The following PAEP variants were observed in gnomAD, a reference collection of about 807,000 sequenced individuals.
PAEP encodes the protein progestagen associated endometrial protein.
Under a neutral mutation model 23.0 loss-of-function variants are expected in PAEP, and 28 were observed. The ratio of observed to expected loss-of-function variants is 1.22; its 90% CI spans 0.90 to 1.67. The LOEUF (loss-of-function observed/expected upper bound fraction) is 1.67, where lower values mean the gene tolerates loss of function less well. Among genes scored for constraint, PAEP ranks in the 40% most tolerant of loss-of-function variants. PAEP has a pLI of 0.00. For synonymous variants in PAEP, 103 were observed against 92.4 expected (o/e 1.12, Z -0.66); for missense variants, 209 against 226.4 (o/e 0.92, Z 0.49).
At chr9:135,565,629 C>T (rs765412011) in intron 5 of PAEP, 115 bp downstream of exon 5, 1 of 1,341,454 alleles carries the variant, frequency 7.5e-7, no homozygotes, top group Non-Finnish European at 1.1e-6. Context: ...GGCCCCTCCC[C>T]TGTTCTCCCC....
At chr9:135,564,896 G>C in intron 4 of PAEP, 1 of 984,680 alleles carries the variant, frequency 1.0e-6, no homozygotes, top group Non-Finnish European at 1.2e-6. Context: ...CAAGGGGCTG[G>C]GCTTGGTGGA....
At chr9:135,564,901 G>A (rs1832506440) in intron 4 of PAEP, 5 of 984,014 alleles carry the variant, frequency 5.1e-6, no homozygotes, top group Non-Finnish European at 6.0e-6. Context: ...GGCTGGGCTT[G>A]GTGGATAGAT....
In PAEP at chr9:135,561,795, C is replaced by T. The variant is rs3748205; in HGVS notation, c.-7C>T. The T allele has an allele frequency of 0.094, 144,719 of 1,545,556 alleles. 14,064 individuals are homozygous for T. The highest frequency in any genetic ancestry group is 0.49 in the East Asian group (20,235 of 40,896). On this transcript the variant is annotated 5_prime_UTR_variant, in exon 1 of 7. Transcript: ENST00000479141. ...TCCAGAGCTCAGAGCCACCCACAGC[C>T]GCAGCCATGCTGTGCCTCCTGCTCA...
chr9:135,564,116 G>C lies in PAEP; in HGVS notation c.311-128G>C. The C allele has an allele frequency of 3.6e-6, 5 of 1,391,952 alleles. No individual in the cohort carries two copies. In the South Asian group the frequency reaches 7.3e-5, roughly 20 times the overall value. The allele number at this position is 1,391,952 out of a possible 1,614,324, so 86.2% of individuals were successfully genotyped here. A position where few individuals can be genotyped will look rare whatever the true frequency, so the allele number is the denominator to read the frequency against. The stretch of plus-strand genomic sequence containing the variant: ...GCTTCCCTGATCATGGTCCACAGCA[G>C]GGGCCACGTCCCATGGTGTCAGTGG... On this transcript the variant is annotated intron_variant, in intron 3 of 6. Transcript: ENST00000479141.
chr9:135,565,568 T>C, intron 5 of PAEP, 54 bp downstream of exon 5: 1 of 1,538,426 alleles, frequency 6.5e-7, no homozygotes, highest in South Asian at 1.1e-5. Flanking sequence ...GCTGCCTCTT[T>C]CTTAGCCCGA....
intron 1 of PAEP, 77 bp from the exon 2 acceptor site, chr9:135,562,217 G>A: frequency 6.5e-7 from 1 of 1,529,972 alleles, no homozygotes; most frequent in African/African-American, 1.4e-5. Flanking sequence ...ATCCCAGTTA[G>A]ACTCAGCCCC....
At chr9:135,565,115 A>C (rs564557743) in intron 4 of PAEP, among the ~76,000 whole-genome samples, 7 of 152,310 alleles carry the variant, frequency 4.6e-5, no homozygotes, top group Non-Finnish European at 8.8e-5. Flanking sequence ...AGAGCCAGGC[A>C]CTGTGCTCTC....
chr9:135,565,570 T>C, intron 5 of PAEP, 56 bp downstream of exon 5: 1 of 1,528,738 alleles, frequency 6.5e-7, no homozygotes. Flanking sequence ...TGCCTCTTTC[T>C]TAGCCCGAGC....
intron 1 of PAEP, 92 bp from the exon 2 acceptor site, chr9:135,562,202 T>A: frequency 7.0e-7 from 1 of 1,425,678 alleles, no homozygotes; most frequent in Non-Finnish European, 9.6e-7. Context: ...ATGCTCACTG[T>A]ACCCATCCCA....
chr9:135,564,054 G>A (rs1455445958), intron 3 of PAEP, among the ~76,000 whole-genome samples, 190 bp from the exon 4 acceptor site: 1 of 152,150 alleles, frequency 6.6e-6, no homozygotes, highest in East Asian at 1.9e-4. Flanking sequence ...GGGGCTCCAT[G>A]GCCCTCCACA....
Position 135,562,306 on chromosome 9 carries a change from T to A in PAEP, c.109T>A (p.Trp37Arg), listed in dbSNP as rs955569935. The A allele has an allele frequency of 3.1e-6, 5 of 1,613,784 alleles. No homozygotes were observed. The African/African-American group carries it at 6.7e-5, about 22-fold the overall frequency. The change falls in exon 2 of 7, where the codon TGG becomes AGG. Residue 37 changes from tryptophan (W) to arginine (R), a missense_variant. By Grantham distance (101) the Trp-to-Arg change is moderately radical (BLOSUM62 -3). Transcript: ENST00000479141. The part of the protein sequence containing the change: ...DLELPKLAGT[W>R]HSMAMATNNI... ...AAGGCCCCCTCAGTTGGCAGGGACC[T>A]GGCACTCCATGGCCATGGCGACCAA...
rs779716594 is a variant in PAEP at position 135,565,430 on chromosome 9, G to A, written c.442G>A (p.Asp148Asn). ...CACAGCCAGAGTCCTGGTGGAGGAC[G>A]ATGAGATCATGCAGGGATTCATCAG... is the stretch of plus-strand genomic sequence containing the variant. Reference protein sequence around the residue: ...QYLARVLVEDDEIMQGFIRAF... With the variant: ...QYLARVLVEDNEIMQGFIRAF... Residue 148 changes from aspartate to asparagine, a missense_variant, in exon 5 of 7, where the codon GAT becomes AAT. Asp to Asn is a conservative substitution (Grantham distance 23, BLOSUM62 1). Transcript: ENST00000479141. 45 of 1,613,998 alleles carry A rather than the reference G, an allele frequency of 2.8e-5. No homozygotes were observed. In the East Asian group the frequency reaches 7.4e-4, roughly 26 times the overall value.
chr9:135,564,782 G>A, intron 4 of PAEP: 1 of 985,178 alleles, frequency 1.0e-6, no homozygotes, highest in Non-Finnish European at 1.2e-6. Flanking sequence ...GGGATTACAG[G>A]CGTGAGCCAC....
chr9:135,564,821 A>G lies in PAEP; in HGVS notation c.421+467A>G, dbSNP rs866755682. The G allele has an allele frequency of 2.3e-4, 230 of 985,424 alleles. 3 individuals carry two copies. In the Middle Eastern group the frequency reaches 6.3e-3, roughly 27 times the overall value. The allele number at this position is 985,424 out of a possible 1,614,324, so 61.0% of individuals were successfully genotyped here. A position where few individuals can be genotyped will look rare whatever the true frequency, so the allele number is the denominator to read the frequency against. On this transcript the variant is annotated intron_variant, in intron 4 of 6. Transcript: ENST00000479141. ...GCCCGGCCAGGCTGAGTTTTTCTCCAGCGGTTCATCGAGTCCTCTGACAAA... is the reference window on the plus strand; with the variant it reads ...GCCCGGCCAGGCTGAGTTTTTCTCCGGCGGTTCATCGAGTCCTCTGACAAA...
In PAEP at chr9:135,562,889, C is replaced by T; in HGVS notation, c.306C>T (p.Ile102=). ...EKTENPKKFK[I]NYTVANEATL... ...CTGAGAATCCAAAGAAGTTCAAGAT[C>T]AACTGTGAGTGTCCCCAGGCCCCAA... is the stretch of plus-strand genomic sequence containing the variant. Residue 102 remains isoleucine, a synonymous_variant, in exon 3 of 7, where the codon ATC becomes ATT. Coordinates refer to ENST00000479141, the MANE Select transcript of PAEP (RefSeq NM_002571.4). 1.2e-6 allele frequency: 2 copies of T among 1,612,434 alleles called. No individual in the cohort carries two copies. Among genetic ancestry groups the T allele is most frequent in the Non-Finnish European group, 1.7e-6 (2 of 1,178,512 alleles).
intron 4 of PAEP, 85 bp from the exon 5 acceptor site, chr9:135,565,325 C>T (rs763877288): frequency 8.9e-7 from 1 of 1,128,030 alleles, no homozygotes; most frequent in South Asian, 1.2e-5. Flanking sequence ...CCTTCTCTGC[C>T]CTCCCTCCTC....
chr9:135,565,726 T>A lies in PAEP; in HGVS notation c.527-59T>A, dbSNP rs943476049. ...ATCCCTTCTCTAGCCCTGGGGCTGC[T>A]GTGTCCCCAGCTGTCTCTTCTCTCG... On this transcript the variant is annotated intron_variant, in intron 5 of 6. Transcript: ENST00000479141. The A allele has an allele frequency of 3.8e-6, 6 of 1,596,444 alleles. No individual in the cohort carries two copies. The African/African-American group carries it at 8.0e-5, about 21-fold the overall frequency.
rs1017244070 is a variant in PAEP at position 135,566,636 on chromosome 9, T to A, written c.*84T>A. 2.6e-5 allele frequency: 4 copies of A among 155,036 alleles called. No individual in the cohort carries two copies. Among genetic ancestry groups the A allele is most frequent in the African/African-American group, 9.6e-5 (4 of 41,660 alleles). The allele number at this position is 155,036 out of a possible 1,614,324, so 9.6% of individuals were successfully genotyped here. A position where few individuals can be genotyped will look rare whatever the true frequency, so the allele number is the denominator to read the frequency against. On this transcript the variant is annotated 3_prime_UTR_variant, in exon 7 of 7. Transcript: ENST00000479141. ...GACTTCCTCCTGCCCTTTCAAAGAA[T>A]AACCACAGCTCAGAAGACGATGACG...
intron 4 of PAEP, among the ~76,000 whole-genome samples, chr9:135,564,995 C>T (rs185039549): frequency 5.3e-5 from 8 of 152,374 alleles, no homozygotes; most frequent in African/African-American, 1.9e-4. Context: ...CCAAAATAGC[C>T]ACATAGGCAC....
Sources: allele counts gnomAD v4.1 joint callset (sites outside exome capture counted in the v4.1 genomes callset), GRCh38; gene constraint gnomAD v4.1.1; transcripts MANE v1.5; gene names NCBI Gene and HGNC (gene_info 2026-07-23, HGNC 2026-07-21).